R3HCC1L: variants seen among roughly 807,000 people sequenced by gnomAD.
The protein encoded by R3HCC1L is coiled-coil domain-containing protein R3HCC1L.
Under a neutral mutation model 59.9 loss-of-function variants are expected in R3HCC1L, and 51 were observed. The ratio of observed to expected loss-of-function variants is 0.85; its 90% CI spans 0.68 to 1.07. The LOEUF (loss-of-function observed/expected upper bound fraction) is 1.07, where lower values mean the gene tolerates loss of function less well. Ranked by LOEUF, R3HCC1L falls within the 50% of genes least tolerant of loss-of-function variation. The probability of loss-of-function intolerance (pLI) is 0.00; values close to 1 mark genes in which losing one functional copy is unlikely to be tolerated. For missense variants in R3HCC1L, 965 were observed against 933.0 expected, an observed-to-expected ratio of 1.03 and a Z score of -0.45; for synonymous variants, 322 against 315.2, an observed-to-expected ratio of 1.02 and a Z score of -0.23.
At chr10:98,182,079 G>A (rs1849693536) in intron 4 of R3HCC1L, among the ~76,000 whole-genome samples, 1 of 152,144 alleles carries the variant, frequency 6.6e-6, no homozygotes, top group Non-Finnish European at 1.5e-5. Flanking sequence ...TGATCCTTTC[G>A]AGGAGAAGCA....
intron 4 of R3HCC1L, among the ~76,000 whole-genome samples, chr10:98,190,717 A>G (rs892429580): frequency 6.6e-6 from 1 of 152,154 alleles, no homozygotes; most frequent in African/African-American, 2.4e-5. Context: ...CGTTTGATAC[A>G]TAGGTATGCA....
intron 4 of R3HCC1L, among the ~76,000 whole-genome samples, chr10:98,204,892 T>A (rs925919123): frequency 6.6e-6 from 1 of 152,106 alleles, no homozygotes; most frequent in East Asian, 1.9e-4. Flanking sequence ...CCATTGGGGA[T>A]CTTGGTACAT....
intron 9 of R3HCC1L, among the ~76,000 whole-genome samples, chr10:98,241,122 TAA>T (rs1318962594): frequency 6.6e-6 from 1 of 152,156 alleles, no homozygotes; most frequent in African/African-American, 2.4e-5. Context: ...TTGCTAAAAT[TAA>T]GAGGTTATTT....
intron 9 of R3HCC1L, among the ~76,000 whole-genome samples, chr10:98,243,036 C>T (rs1259623950): frequency 6.6e-6 from 1 of 152,214 alleles, no homozygotes; most frequent in Non-Finnish European, 1.5e-5. Context: ...GCCCAAATAG[C>T]AGTGAATTTC....
chr10:98,213,686 G>T (rs187603711), intron 5 of R3HCC1L, among the ~76,000 whole-genome samples: 4 of 152,112 alleles, frequency 2.6e-5, no homozygotes, highest in Admixed American at 2.6e-4. Flanking sequence ...AAAATCTATA[G>T]ACTTTATTTT....
At chr10:98,240,414 C>T (rs1007758102) in intron 9 of R3HCC1L, among the ~76,000 whole-genome samples, 2 of 152,206 alleles carry the variant, frequency 1.3e-5, no homozygotes, top group Non-Finnish European at 2.9e-5. Flanking sequence ...ACTTAGATAT[C>T]GTTACCTCTC....
chr10:98,233,568 G>A (rs1048840950), intron 6 of R3HCC1L, among the ~76,000 whole-genome samples: 7 of 152,080 alleles, frequency 4.6e-5, no homozygotes, highest in East Asian at 1.9e-4. Flanking sequence ...CAGAGGAGCC[G>A]ACCTAGCTTC....
At chr10:98,214,237 A>C (rs927321957) in intron 5 of R3HCC1L, among the ~76,000 whole-genome samples, 21 of 152,140 alleles carry the variant, frequency 1.4e-4, no homozygotes, top group African/African-American at 5.1e-4. Flanking sequence ...AGTACAAGGA[A>C]GCTTTTATTT....
Position 98,141,194 on chromosome 10 carries a change from A to T in R3HCC1L, c.-268+6488A>T, listed in dbSNP as rs562128852. 1.2e-4 allele frequency among the ~76,000 whole-genome samples: 18 copies of T among 152,304 alleles called. No individual in the cohort carries two copies. In the South Asian group the frequency reaches 3.7e-3, roughly 32 times the overall value. ...TCATAAACTAGTGTGTACCCATTTT[A>T]TTCTCTTCCTAGATTGTAAACTTTT... On this transcript the variant is annotated intron_variant, in intron 1 of 9. Coordinates refer to ENST00000298999, the MANE Select transcript of R3HCC1L (RefSeq NM_001351015.2).
At chr10:98,173,324 C>T (rs1401633873) in intron 4 of R3HCC1L, among the ~76,000 whole-genome samples, 1 of 152,122 alleles carries the variant, frequency 6.6e-6, no homozygotes, top group Non-Finnish European at 1.5e-5. Flanking sequence ...TGGTACCATC[C>T]CTAGCCATAG....
chr10:98,166,211 G>T (rs958296514), intron 4 of R3HCC1L, among the ~76,000 whole-genome samples: 1 of 152,158 alleles, frequency 6.6e-6, no homozygotes, highest in African/African-American at 2.4e-5. Flanking sequence ...CAGGGAGCTA[G>T]CTTGCTCTGT....
chr10:98,221,922 A>T, intron 5 of R3HCC1L, among the ~76,000 whole-genome samples: 1 of 152,156 alleles, frequency 6.6e-6, no homozygotes, highest in East Asian at 1.9e-4. Flanking sequence ...GAAGAAAGGC[A>T]TTAGTAGCTT....
intron 9 of R3HCC1L, among the ~76,000 whole-genome samples, chr10:98,243,529 G>T (rs1857767827): frequency 6.6e-6 from 1 of 152,120 alleles, no homozygotes; most frequent in Non-Finnish European, 1.5e-5. Flanking sequence ...TTTCCATATT[G>T]TAATTGTATA....
chr10:98,161,798 T>A (rs1357714160), intron 2 of R3HCC1L, among the ~76,000 whole-genome samples: 1 of 152,202 alleles, frequency 6.6e-6, no homozygotes, highest in African/African-American at 2.4e-5. Flanking sequence ...TATAGAGGCT[T>A]AATAGTATAT....
chr10:98,219,330 T>A (rs1360453036), intron 5 of R3HCC1L, among the ~76,000 whole-genome samples: 1 of 152,220 alleles, frequency 6.6e-6, no homozygotes, highest in Non-Finnish European at 1.5e-5. Context: ...CCAGGCAATA[T>A]GTGTCTACAG....
chr10:98,174,737 C>T (rs776139971), intron 4 of R3HCC1L: 16 of 983,546 alleles, frequency 1.6e-5, no homozygotes, highest in Non-Finnish European at 1.8e-5. Context: ...TGTAGATTGA[C>T]ACCAAATCAT....
At chr10:98,228,108 G>C (rs1855890892) in intron 5 of R3HCC1L, among the ~76,000 whole-genome samples, 1 of 152,146 alleles carries the variant, frequency 6.6e-6, no homozygotes, top group African/African-American at 2.4e-5. Flanking sequence ...GTAATGGGAT[G>C]GCTGGGTCAA....
chr10:98,228,325 G>A (rs879505971), intron 5 of R3HCC1L, among the ~76,000 whole-genome samples: 4 of 152,180 alleles, frequency 2.6e-5, no homozygotes, highest in Non-Finnish European at 5.9e-5. Flanking sequence ...GCATTTCTCT[G>A]ATGACCAGTG....
intron 1 of R3HCC1L, among the ~76,000 whole-genome samples, chr10:98,146,200 CAAAT>C (rs1452977015): frequency 6.6e-6 from 1 of 151,952 alleles, no homozygotes; most frequent in African/African-American, 2.4e-5. Flanking sequence ...GCTCTGTTGA[CAAAT>C]AATTTGCATA....
Sources: allele counts gnomAD v4.1 joint callset (sites outside exome capture counted in the v4.1 genomes callset), GRCh38; gene constraint gnomAD v4.1.1; transcripts MANE v1.5; gene names NCBI Gene and HGNC (gene_info 2026-07-23, HGNC 2026-07-21).